The following ITGA9 variants were observed in gnomAD, a reference collection of about 807,000 sequenced individuals.
ITGA9 encodes the protein integrin subunit alpha 9.
A neutral mutation model predicts 127.8 loss-of-function variants in ITGA9; 56 were observed. The observed-to-expected ratio is 0.44, with a 90% confidence interval of 0.35 to 0.55. The LOEUF (loss-of-function observed/expected upper bound fraction) is 0.55, where lower values mean the gene tolerates loss of function less well. Ranked by LOEUF, ITGA9 falls within the 20% of genes least tolerant of loss-of-function variation. ITGA9 has a pLI of 0.00. For missense variants in ITGA9, 1,196 were observed against 1,347.1 expected, an observed-to-expected ratio of 0.89 and a Z score of 1.76; for synonymous variants, 508 against 514.5, an observed-to-expected ratio of 0.99 and a Z score of 0.17.
At position 37,649,795 on chromosome 3, in the gene ITGA9, C is replaced by T. The variant is rs191319065; in HGVS notation, c.1840-3919C>T. On this transcript the variant is annotated intron_variant, in intron 16 of 27. Coordinates refer to ENST00000264741, the MANE Select transcript of ITGA9 (RefSeq NM_002207.3). ...TTCTCAAGTAGCCATGGAACATTCTCCAGGATAGATCACATATTAGGTCAC... is the reference window on the plus strand; with the variant it reads ...TTCTCAAGTAGCCATGGAACATTCTTCAGGATAGATCACATATTAGGTCAC... Among the ~76,000 whole-genome samples, 428 of 152,306 alleles carry T rather than the reference C, an allele frequency of 2.8e-3. 2 individuals carry two copies. Among genetic ancestry groups the T allele is most frequent in the Middle Eastern group, 0.014 (4 of 294 alleles).
chr3:37,751,597 T>G (rs1435489455), intron 23 of ITGA9, among the ~76,000 whole-genome samples: 1 of 152,132 alleles, frequency 6.6e-6, no homozygotes, highest in Non-Finnish European at 1.5e-5. Context: ...GGATACCCCT[T>G]TTCCTCTTTA....
At chr3:37,681,637 C>T (rs1049869589) in intron 17 of ITGA9, among the ~76,000 whole-genome samples, 1 of 152,140 alleles carries the variant, frequency 6.6e-6, no homozygotes, top group Non-Finnish European at 1.5e-5. Flanking sequence ...TCCTTAATTA[C>T]GTCTTCCATT....
chr3:37,601,464 G>C (rs1277050268), intron 15 of ITGA9, among the ~76,000 whole-genome samples: 2 of 152,210 alleles, frequency 1.3e-5, no homozygotes, highest in Non-Finnish European at 1.5e-5. Context: ...GGAAAATGGA[G>C]ATGGGGTATA....
In ITGA9 at chr3:37,753,225, G is replaced by T. The variant is rs144181451; in HGVS notation, c.2541+2656G>T. ...ACTAGTAACAAATCATTCTTGATTT[G>T]TTCACAAACACTGGCTCAGCAAGTA... On this transcript the variant is annotated intron_variant, in intron 23 of 27. Transcript: ENST00000264741. 1.9e-3 allele frequency among the ~76,000 whole-genome samples: 285 copies of T among 152,292 alleles called. 1 individual carries two copies. Among genetic ancestry groups the T allele is most frequent in the Non-Finnish European group, 2.5e-3 (170 of 68,012 alleles).
At chr3:37,491,531 CAG>C (rs1300432668) in intron 4 of ITGA9, among the ~76,000 whole-genome samples, 1 of 152,212 alleles carries the variant, frequency 6.6e-6, no homozygotes, top group African/African-American at 2.4e-5. Context: ...CCTGGGAACA[CAG>C]GAGACTGGAG....
At chr3:37,587,720 G>T (rs1699772148) in intron 15 of ITGA9, among the ~76,000 whole-genome samples, 1 of 152,180 alleles carries the variant, frequency 6.6e-6, no homozygotes, top group Non-Finnish European at 1.5e-5. Flanking sequence ...TATGTGTTGA[G>T]CAGTTTCCAA....
Position 37,799,271 on chromosome 3 carries a change from C to T in ITGA9, c.2890-4552C>T, listed in dbSNP as rs577574837. Among the ~76,000 whole-genome samples the T allele has an allele frequency of 4.6e-5, 7 of 152,234 alleles. No homozygotes were observed. The South Asian group carries it at 6.2e-4, about 14-fold the overall frequency. On this transcript the variant is annotated intron_variant, in intron 26 of 27. Coordinates refer to ENST00000264741, the MANE Select transcript of ITGA9 (RefSeq NM_002207.3). This position sits in a 1 kb window ranked among gnomAD's most constrained non-coding sequence, Gnocchi z 4.0. ...TTGACTCACTGCAGCCTCCACCTCC[C>T]GGGCTCAAGTGATTCTCCTGCCTCA...
At chr3:37,696,740 G>A (rs1700888931) in intron 18 of ITGA9, among the ~76,000 whole-genome samples, 1 of 152,166 alleles carries the variant, frequency 6.6e-6, no homozygotes, top group Non-Finnish European at 1.5e-5. Flanking sequence ...TAATGTGGTA[G>A]CCACAGCACA....
chr3:37,520,442 A>G (rs1294656210), intron 11 of ITGA9, among the ~76,000 whole-genome samples: 6 of 152,214 alleles, frequency 3.9e-5, no homozygotes, highest in Admixed American at 3.9e-4. Flanking sequence ...AACTTGCCCA[A>G]GGTCATAAGT....
chr3:37,536,288 G>C (rs565270115), intron 14 of ITGA9, among the ~76,000 whole-genome samples: 3 of 152,334 alleles, frequency 2.0e-5, no homozygotes, highest in East Asian at 3.9e-4. Context: ...TGATGACTTT[G>C]TCCATGGAAT....
chr3:37,512,141 T>TCC lies in ITGA9; in HGVS notation c.898-1622_898-1621insCC, dbSNP rs1698932271. ...CCTTCTTTCTTTTCTTTTCTTTTCT[T>TCC]TTCTTTTCTTTTCTTTTCTTTTCTT... On this transcript the variant is annotated intron_variant, in intron 8 of 27. Transcript: ENST00000264741. 9.5e-4 allele frequency among the ~76,000 whole-genome samples: 14 copies of TCC among 14,782 alleles called. 2 individuals carry two copies. Among genetic ancestry groups the TCC allele is most frequent in the African/African-American group, 3.3e-3 (14 of 4,248 alleles). 9.7% of individuals were successfully genotyped at this position (14,782 alleles called of 152,430 possible).
chr3:37,510,308 A>C (rs1432639394), intron 8 of ITGA9, among the ~76,000 whole-genome samples: 7 of 152,066 alleles, frequency 4.6e-5, no homozygotes, highest in Non-Finnish European at 1.0e-4. Context: ...CTGGCCAAGG[A>C]TTATTTAAAA....
intron 18 of ITGA9, among the ~76,000 whole-genome samples, chr3:37,687,056 A>C (rs1700789089): frequency 6.6e-6 from 1 of 152,228 alleles, no homozygotes; most frequent in Admixed American, 6.5e-5. Flanking sequence ...GGAAAGCATA[A>C]GTTTTAAAAA....
At chr3:37,495,238 C>A (rs979248701) in intron 5 of ITGA9, among the ~76,000 whole-genome samples, 1 of 152,208 alleles carries the variant, frequency 6.6e-6, no homozygotes, top group Non-Finnish European at 1.5e-5. Context: ...CAGGCTGAGC[C>A]ACCACACCCG....
chr3:37,452,698 C>A lies in ITGA9; in HGVS notation c.185+139C>A. 1.3e-6 allele frequency: 1 copy of A among 761,548 alleles called. No homozygotes were observed. Among genetic ancestry groups the A allele is most frequent in the Non-Finnish European group, 1.9e-6 (1 of 536,814 alleles). 47.2% of individuals were successfully genotyped at this position (761,548 alleles called of 1,614,324 possible). A position where few individuals can be genotyped will look rare whatever the true frequency, so the allele number is the denominator to read the frequency against. Reference sequence around the variant, plus strand: ...ATTTAAATGTCTCCGTTGCGCGCGGCTCGGCCGCCGGGGGACGGCGGGAGA... The same window carrying A: ...ATTTAAATGTCTCCGTTGCGCGCGGATCGGCCGCCGGGGGACGGCGGGAGA... On this transcript the variant is annotated intron_variant, in intron 1 of 27. Transcript: ENST00000264741. The surrounding 1 kb of genome is among the most constrained non-coding windows in gnomAD (Gnocchi z 7.3).
At chr3:37,518,177 G>T (rs1396037630) in intron 10 of ITGA9, among the ~76,000 whole-genome samples, 7 of 151,432 alleles carry the variant, frequency 4.6e-5, no homozygotes, top group Non-Finnish European at 8.8e-5. Context: ...GGACAGCAGT[G>T]TTCCTCACAG....
At chr3:37,795,934 A>G (rs1697167347) in intron 26 of ITGA9, among the ~76,000 whole-genome samples, 1 of 152,170 alleles carries the variant, frequency 6.6e-6, no homozygotes, top group Non-Finnish European at 1.5e-5. Context: ...GCAAAATGCA[A>G]ATCACATCAC....
At chr3:37,586,935 A>T (rs867664797) in intron 15 of ITGA9, among the ~76,000 whole-genome samples, 1 of 152,166 alleles carries the variant, frequency 6.6e-6, no homozygotes, top group African/African-American at 2.4e-5. Context: ...TGCAAAATCT[A>T]TGACACTGTT....
chr3:37,506,096 AC>A lies in ITGA9; in HGVS notation c.828+12del, dbSNP rs1301437069. The A allele has an allele frequency of 1.3e-6, 2 of 1,584,198 alleles. No individual in the cohort carries two copies. Among genetic ancestry groups the A allele is most frequent in the Non-Finnish European group, 1.7e-6 (2 of 1,157,438 alleles). ...AAAGGCATCGGCAAGGTGAGGAGAA[AC>A]ATCTGTGGAATAGCTGGGGTCAGAC... On this transcript the variant is annotated intron_variant, in intron 7 of 27. Transcript: ENST00000264741.
Sources: allele counts gnomAD v4.1 joint callset (sites outside exome capture counted in the v4.1 genomes callset), GRCh38; gene constraint gnomAD v4.1.1; non-coding constraint Gnocchi (gnomAD v3.1); transcripts MANE v1.5; gene names NCBI Gene and HGNC (gene_info 2026-07-23, HGNC 2026-07-21).